PDHX: variants seen among roughly 807,000 people sequenced by gnomAD.
The protein encoded by PDHX is pyruvate dehydrogenase complex component X.
In PDHX, 33 loss-of-function variants were observed where a neutral mutation model predicts 55.3. The observed-to-expected ratio is 0.60, with a 90% CI of 0.45 to 0.80. The LOEUF is 0.80. Among genes scored for constraint, PDHX ranks in the 30% least tolerant of loss-of-function variants. The pLI is 0.00. For synonymous variants in PDHX, 226 were observed against 219.4 expected (o/e 1.03, Z -0.27); for missense variants, 622 against 619.9 (o/e 1.00, Z -0.04).
intron 1 of PDHX, among the ~76,000 whole-genome samples, chr11:34,917,801 C>T (rs1406011333): frequency 6.6e-6 from 1 of 152,128 alleles, no homozygotes; most frequent in Non-Finnish European, 1.5e-5. Flanking sequence ...TAACATATTC[C>T]TTGGAGCAGA....
intron 2 of PDHX, among the ~76,000 whole-genome samples, chr11:34,942,490 C>T (rs568523203): frequency 2.0e-5 from 3 of 152,282 alleles, no homozygotes; most frequent in East Asian, 3.9e-4. Flanking sequence ...TCACTAGTAA[C>T]TGTCAGAGCT....
intron 2 of PDHX, among the ~76,000 whole-genome samples, chr11:34,935,346 A>G (rs1048360738): frequency 1.3e-5 from 2 of 152,194 alleles, no homozygotes; most frequent in Admixed American, 6.5e-5. Flanking sequence ...ATTTTGCCAG[A>G]TTTTAAGTAC....
intron 7 of PDHX, chr11:34,977,713 G>A (rs1309184404): frequency 4.4e-6 from 2 of 455,690 alleles, no homozygotes; most frequent in Non-Finnish European, 8.8e-6. Flanking sequence ...CAGAGAATAA[G>A]GGTATTTGAA....
chr11:34,989,521 A>C (rs937801988), intron 9 of PDHX, among the ~76,000 whole-genome samples: 1 of 152,126 alleles, frequency 6.6e-6, no homozygotes, highest in Admixed American at 6.5e-5. Flanking sequence ...AAAGAAACCA[A>C]GGCTCTCTAC....
intron 7 of PDHX, among the ~76,000 whole-genome samples, chr11:34,974,002 TA>T (rs1177332125): frequency 1.3e-5 from 2 of 152,230 alleles, no homozygotes; most frequent in Non-Finnish European, 2.9e-5. Context: ...TGTTCCTTTT[TA>T]AAACAATTTT....
chr11:34,988,443 C>G (rs1855696036), intron 9 of PDHX, among the ~76,000 whole-genome samples: 1 of 151,956 alleles, frequency 6.6e-6, no homozygotes, highest in Non-Finnish European at 1.5e-5. Flanking sequence ...AGACTGTAGA[C>G]TAGAGCCTCC....
At chr11:34,947,986 T>C (rs552276207) in intron 3 of PDHX, among the ~76,000 whole-genome samples, 6 of 152,314 alleles carry the variant, frequency 3.9e-5, no homozygotes, top group Admixed American at 6.5e-5. Context: ...GGTAGTATGG[T>C]GGAGCATCTA....
At chr11:34,930,292 A>C (rs187944129) in intron 1 of PDHX, among the ~76,000 whole-genome samples, 1 of 152,370 alleles carries the variant, frequency 6.6e-6, no homozygotes, top group East Asian at 1.9e-4. Flanking sequence ...ACTTTCTCTT[A>C]AATACTTCAA....
intron 9 of PDHX, among the ~76,000 whole-genome samples, chr11:34,991,300 A>G (rs1262700991): frequency 6.6e-6 from 1 of 152,190 alleles, no homozygotes; most frequent in Non-Finnish European, 1.5e-5. Flanking sequence ...CTAGGGCACT[A>G]TAATTCCACT....
chr11:34,946,563 C>T (rs918491245), intron 2 of PDHX, among the ~76,000 whole-genome samples: 1 of 152,254 alleles, frequency 6.6e-6, no homozygotes, highest in South Asian at 2.1e-4. Flanking sequence ...TGCCACCATC[C>T]AAGGAATTTT....
intron 3 of PDHX, among the ~76,000 whole-genome samples, chr11:34,953,875 G>A (rs1371525061): frequency 6.6e-6 from 1 of 152,190 alleles, no homozygotes; most frequent in African/African-American, 2.4e-5. Flanking sequence ...AGTTAATGCT[G>A]TGCTGGAACA....
chr11:34,916,046 G>T, upstream of PDHX: 1 of 750,320 alleles, frequency 1.3e-6, no homozygotes, highest in Non-Finnish European at 2.1e-6. Context: ...GATCTCCTGG[G>T]GCCTCGCAGC....
At chr11:34,944,335 G>T (rs932792645) in intron 2 of PDHX, among the ~76,000 whole-genome samples, 3 of 151,942 alleles carry the variant, frequency 2.0e-5, no homozygotes, top group Admixed American at 2.0e-4. Context: ...GGCCAGGCTG[G>T]TCTTGAACCC....
intron 3 of PDHX, among the ~76,000 whole-genome samples, chr11:34,956,315 A>G (rs180800281): frequency 6.6e-6 from 1 of 152,174 alleles, no homozygotes; most frequent in Non-Finnish European, 1.5e-5. Context: ...CTTATTAACG[A>G]TAGTGAACAT....
intron 1 of PDHX, among the ~76,000 whole-genome samples, chr11:34,918,301 A>T (rs1853789190): frequency 6.6e-6 from 1 of 151,894 alleles, no homozygotes; most frequent in Non-Finnish European, 1.5e-5. Context: ...AAAGAAAAAA[A>T]GCCAGGCGTG....
At chr11:34,953,360 C>A (rs1402541944) in intron 3 of PDHX, among the ~76,000 whole-genome samples, 1 of 152,104 alleles carries the variant, frequency 6.6e-6, no homozygotes, top group Non-Finnish European at 1.5e-5. Flanking sequence ...TCATATGGAA[C>A]CAAAAAAGAG....
chr11:34,947,132 A>G (rs181765407), intron 2 of PDHX, among the ~76,000 whole-genome samples: 1 of 152,350 alleles, frequency 6.6e-6, no homozygotes, highest in African/African-American at 2.4e-5. Context: ...TCTTCAGGGA[A>G]TATAGTCAAA....
intron 2 of PDHX, among the ~76,000 whole-genome samples, chr11:34,937,441 A>C (rs1406624179): frequency 3.3e-5 from 2 of 60,292 alleles, no homozygotes; most frequent in Admixed American, 3.1e-4. Context: ...GGAGTTGCTG[A>C]CTTTTTTTTT....
At chr11:34,978,748 C>T (rs1855438113) in intron 8 of PDHX, among the ~76,000 whole-genome samples, 1 of 151,848 alleles carries the variant, frequency 6.6e-6, no homozygotes, top group Non-Finnish European at 1.5e-5. Context: ...TGGAATGTGC[C>T]TAGTATGGAG....
Sources: gnomAD v4.1 joint callset for allele counts (sites outside exome capture counted in the v4.1 genomes callset) on GRCh38, gnomAD v4.1.1 for gene constraint, MANE v1.5 for transcripts, NCBI Gene and HGNC (gene_info 2026-07-23, HGNC 2026-07-21) for gene names.